RTN2: variants seen among roughly 807,000 people sequenced by gnomAD.
RTN2 encodes reticulon-2.
RTN2 carries 36 observed loss-of-function variants against 63.7 expected under a neutral mutation model. The observed-to-expected ratio is 0.56, with a 90% CI of 0.43 to 0.75. RTN2 has a LOEUF of 0.75. RTN2 is among the 30% of genes least tolerant of loss of function. RTN2 has a pLI of 0.00. For missense variants in RTN2, 673 were observed against 705.1 expected (o/e 0.95, Z 0.52); for synonymous variants, 312 against 313.0 (o/e 1.00, Z 0.03).
Position 45,494,648 on chromosome 19 carries a change from T to A in RTN2, c.437A>T (p.His146Leu). 1.2e-6 allele frequency: 2 copies of A among 1,613,758 alleles called. No individual in the cohort carries two copies. Among genetic ancestry groups the A allele is most frequent in the Non-Finnish European group, 1.7e-6 (2 of 1,180,026 alleles). ...PLEDLRLRLD[H>L]LGWVARGTGS... is the part of the protein sequence containing the mutation. ...CGTTCCCCGGGCCACCCAGCCCAGA[T>A]GGTCCAACCGAAGCCTCAGGTCTTC... The change falls in exon 3 of 11, where the codon CAT becomes CTT. Residue 146 changes from histidine (H) to leucine (L), a missense_variant. Coordinates refer to ENST00000245923, the MANE Select transcript of RTN2 (RefSeq NM_005619.5). The surrounding 1 kb of genome is among the most constrained non-coding windows in gnomAD (Gnocchi z 5.3).
intron 1 of RTN2, 193 bp from the exon 2 acceptor site, chr19:45,495,332 T>G (rs1282902768): frequency 3.1e-6 from 2 of 645,020 alleles, no homozygotes; most frequent in African/African-American, 3.7e-5. Flanking sequence ...ATCTTAATCT[T>G]AGAGTCTTCA....
Position 45,496,816 on chromosome 19 carries a change from C to A in RTN2, c.10G>T (p.Val4Phe), listed in dbSNP as rs767995406. Residue 4 changes from valine (V) to phenylalanine (F), a missense_variant, in exon 1 of 11, where the codon GTC becomes TTC. By Grantham distance (50) the Val-to-Phe change is conservative. Transcript: ENST00000245923. MGQ[V>F]LPVFAHCKEA... Reference sequence around the variant, plus strand: ...CTGCAGTGGGCGAAGACCGGCAGGACCTGCCCCATGGCCCCCCTCGGGCCT... The same window carrying A: ...CTGCAGTGGGCGAAGACCGGCAGGAACTGCCCCATGGCCCCCCTCGGGCCT... 1 of 1,518,728 alleles carries A rather than the reference C, an allele frequency of 6.6e-7. No homozygotes were observed. Among genetic ancestry groups the A allele is most frequent in the Non-Finnish European group, 8.9e-7 (1 of 1,129,316 alleles). 94.1% of individuals were successfully genotyped at this position (1,518,728 alleles called of 1,614,324 possible).
chr19:45,485,703 C>A lies in RTN2; in HGVS notation c.*5G>T, dbSNP rs1335155521. 7 of 1,612,934 alleles carry A rather than the reference C, an allele frequency of 4.3e-6. No individual in the cohort carries two copies. The highest frequency in any genetic ancestry group is 1.7e-5 in the Admixed American group (1 of 60,012). ...GCAGGCGTCCTGCGGGCAGAGACACCGTTCTCATTCGGCTTTGGCTTTGGA... is the reference window on the plus strand; with the variant it reads ...GCAGGCGTCCTGCGGGCAGAGACACAGTTCTCATTCGGCTTTGGCTTTGGA... On this transcript the variant is annotated 3_prime_UTR_variant, in exon 11 of 11. Transcript: ENST00000245923.
chr19:45,489,275 C>G (rs1319137408), intron 6 of RTN2, 71 bp downstream of exon 6: 1 of 1,420,420 alleles, frequency 7.0e-7, no homozygotes, highest in Non-Finnish European at 9.6e-7. Context: ...GGAGTCGGTG[C>G]CTGATTTGAG....
chr19:45,487,314 G>A (rs948831601), intron 9 of RTN2, among the ~76,000 whole-genome samples: 1 of 151,770 alleles, frequency 6.6e-6, no homozygotes, highest in African/African-American at 2.4e-5. Flanking sequence ...CAAAGTGCCG[G>A]GATTACAGTT....
At chr19:45,486,213 G>A (rs1968017421) in intron 9 of RTN2, 100 bp from the exon 10 acceptor site, 7 of 1,022,672 alleles carry the variant, frequency 6.8e-6, no homozygotes, top group Non-Finnish European at 1.1e-5. Context: ...ATTAGGAGTT[G>A]TGAAGAGTGG....
Position 45,485,398 on chromosome 19 carries a change from C to G in RTN2, c.*310G>C, listed in dbSNP as rs894798474. On this transcript the variant is annotated 3_prime_UTR_variant, in exon 11 of 11. Coordinates refer to ENST00000245923, the MANE Select transcript of RTN2 (RefSeq NM_005619.5). ...GCTAGTAGCATCCAGGAGACACCAACGCCTCACGGCGCCTCCAGCGGCGGG... is the reference window on the plus strand; with the variant it reads ...GCTAGTAGCATCCAGGAGACACCAAGGCCTCACGGCGCCTCCAGCGGCGGG... 1 of 401,790 alleles carries G rather than the reference C, an allele frequency of 2.5e-6. No individual in the cohort carries two copies. The highest frequency in any genetic ancestry group is 4.4e-5 in the East Asian group (1 of 22,586). 24.9% of individuals were successfully genotyped at this position (401,790 alleles called of 1,614,324 possible). A position where few individuals can be genotyped will look rare whatever the true frequency, so the allele number is the denominator to read the frequency against.
Position 45,494,403 on chromosome 19 carries a change from G to T in RTN2, c.577C>A (p.Arg193=), listed in dbSNP as rs1968226599. 6.2e-7 allele frequency: 1 copy of T among 1,613,184 alleles called. No homozygotes were observed. The highest frequency in any genetic ancestry group is 1.1e-5 in the South Asian group (1 of 91,066). ...TCGGGCGATGAGGGCTGAGCAAGTC[G>T]GAGTCGTAGGTCCAGTTCTGATACG... ...EAGEELDLRL[R]LAQPSSPEVL... Residue 193 remains arginine, a synonymous_variant, in exon 4 of 11, where the codon CGA becomes AGA. Transcript: ENST00000245923. This position sits in a 1 kb window ranked among gnomAD's most constrained non-coding sequence, Gnocchi z 5.3.
In RTN2 at chr19:45,491,676, C is replaced by T. The variant is rs987499260; in HGVS notation, c.1033+1484G>A. Among the ~76,000 whole-genome samples the T allele has an allele frequency of 2.4e-4, 37 of 152,078 alleles. No homozygotes were observed. The Middle Eastern group carries it at 0.01, about 42-fold the overall frequency. On this transcript the variant is annotated intron_variant, in intron 5 of 10. Coordinates refer to ENST00000245923, the MANE Select transcript of RTN2 (RefSeq NM_005619.5). The stretch of plus-strand genomic sequence containing the variant: ...CCTCCCGAGTAGCTGGGACTACAGG[C>T]GCCCGTCACCATGCCCGGCTAATTT...
In RTN2 at chr19:45,491,453, C is replaced by T. The variant is rs138431954; in HGVS notation, c.1033+1707G>A. On this transcript the variant is annotated intron_variant, in intron 5 of 10. Coordinates refer to ENST00000245923, the MANE Select transcript of RTN2 (RefSeq NM_005619.5). ...TCAGCTCACTGCAGCCTCTGCCTCCCGAGTTCAAGAGATTCTTGTGCCTCA... is the reference window on the plus strand; with the variant it reads ...TCAGCTCACTGCAGCCTCTGCCTCCTGAGTTCAAGAGATTCTTGTGCCTCA... 8.6e-3 allele frequency among the ~76,000 whole-genome samples: 1,301 copies of T among 151,630 alleles called. 7 individuals are homozygous for T. The highest frequency in any genetic ancestry group is 0.017 in the Middle Eastern group (5 of 294).
chr19:45,487,421 C>T (rs1232240000), intron 9 of RTN2, among the ~76,000 whole-genome samples: 2 of 151,942 alleles, frequency 1.3e-5, no homozygotes, highest in African/African-American at 4.8e-5. Flanking sequence ...ACTGGCAGGG[C>T]ATATTATCAT....
intron 6 of RTN2, 81 bp from the exon 7 acceptor site, chr19:45,489,067 G>T: frequency 2.0e-6 from 3 of 1,492,662 alleles, no homozygotes; most frequent in African/African-American, 1.4e-5. Context: ...CAAGGGAGAG[G>T]AATGGCGGTT....
chr19:45,486,954 C>G (rs572739721), intron 9 of RTN2, among the ~76,000 whole-genome samples: 1 of 142,358 alleles, frequency 7.0e-6, no homozygotes, highest in African/African-American at 2.5e-5. Flanking sequence ...AGGCTGGTCT[C>G]GAACTCCTGA....
At chr19:45,496,718 G>A in intron 1 of RTN2, 74 bp downstream of exon 1, 13 of 1,058,954 alleles carry the variant, frequency 1.2e-5, no homozygotes, top group South Asian at 2.0e-5. Flanking sequence ...GCGGGCAAGC[G>A]CCGAGGGGAC....
chr19:45,497,017 G>A lies in RTN2; in HGVS notation c.-192C>T, dbSNP rs925504556. 12 of 246,192 alleles carry A rather than the reference G, an allele frequency of 4.9e-5. No individual in the cohort carries two copies. Among genetic ancestry groups the A allele is most frequent in the African/African-American group, 9.3e-5 (4 of 43,036 alleles). 15.3% of individuals were successfully genotyped at this position (246,192 alleles called of 1,614,324 possible). ...CGCCCTGGTGCTCGGCTCGGCGGGG[G>A]CGGGCGGGGCCGAGGTGGGGAAGGC... On this transcript the variant is annotated 5_prime_UTR_variant, in exon 1 of 11. Coordinates refer to ENST00000245923, the MANE Select transcript of RTN2 (RefSeq NM_005619.5).
chr19:45,496,150 T>C (rs1968264088), intron 1 of RTN2, among the ~76,000 whole-genome samples: 1 of 152,176 alleles, frequency 6.6e-6, no homozygotes, highest in African/African-American at 2.4e-5. Context: ...ACATAGATGA[T>C]GCTCAATGCG....
rs1232510642 is a variant in RTN2, at chr19:45,489,401, C to T, written c.1186G>A (p.Val396Ile). 1 of 1,600,920 alleles carries T rather than the reference C, an allele frequency of 6.2e-7. No homozygotes were observed. Among genetic ancestry groups the T allele is most frequent in the African/African-American group, 1.3e-5 (1 of 74,788 alleles). Reference protein sequence around the residue: ...LLLCGTISLRVYRKVLQAVHR... With the variant: ...LLLCGTISLRIYRKVLQAVHR... The stretch of plus-strand genomic sequence containing the variant: ...ACGGCCTGCAGCACTTTGCGGTAAA[C>T]CCTGAGAGAGATGGTGCCGCAGAGC... Residue 396 changes from valine (V) to isoleucine (I), a missense_variant, in exon 6 of 11, where the codon GTT becomes ATT. Transcript: ENST00000245923.
At chr19:45,490,455 A>G (rs1328757751) in intron 5 of RTN2, among the ~76,000 whole-genome samples, 1 of 151,828 alleles carries the variant, frequency 6.6e-6, no homozygotes, top group African/African-American at 2.4e-5. Flanking sequence ...ACATCCTCCA[A>G]CAGATATTCT....
In RTN2 at chr19:45,489,346, T is replaced by G; in HGVS notation, c.1241A>C (p.Gln414Pro). 1 of 1,559,496 alleles carries G rather than the reference T, an allele frequency of 6.4e-7. No individual in the cohort carries two copies. Residue 414 changes from glutamine (Q) to proline (P), a missense_variant and splice_region_variant, in exon 6 of 11, where the codon CAG becomes CCG. Coordinates refer to ENST00000245923, the MANE Select transcript of RTN2 (RefSeq NM_005619.5). ...VHRGDGANPFQAYLDVDLTLT... is the reference protein window; with the variant it reads ...VHRGDGANPFPAYLDVDLTLT... Reference sequence around the variant, plus strand: ...CAGGTCAGGGGCCGGGGGTTCTCACTGGAAAGGGTTGGCTCCATCCCCCCG... The same window carrying G: ...CAGGTCAGGGGCCGGGGGTTCTCACGGGAAAGGGTTGGCTCCATCCCCCCG...
Sources: allele counts gnomAD v4.1 joint callset (sites outside exome capture counted in the v4.1 genomes callset), GRCh38; gene constraint gnomAD v4.1.1; non-coding constraint Gnocchi (gnomAD v3.1); transcripts MANE v1.5; gene names NCBI Gene and HGNC (gene_info 2026-07-23, HGNC 2026-07-21).